The following KLF8 variants were observed in gnomAD, a reference collection of about 807,000 sequenced individuals.
KLF8 encodes the protein KLF transcription factor 8, also known as Krueppel-like factor 8.
Under a neutral mutation model 18.2 loss-of-function variants are expected in KLF8, and 10 were observed. The observed-to-expected ratio is 0.55, with a 90% CI of 0.34 to 0.93. The LOEUF (loss-of-function observed/expected upper bound fraction) is 0.93. KLF8 is among the 40% of genes least tolerant of loss of function. The pLI is 0.02. For missense variants in KLF8, 264 were observed against 277.9 expected (o/e 0.95, Z 0.36); for synonymous variants, 109 against 97.3 (o/e 1.12, Z -0.71).
At chrX:56,155,460 T>C in the KLF8 span, among the ~76,000 whole-genome samples, 1 of 109,636 alleles carries the variant, frequency 9.1e-6, no homozygotes, top group Non-Finnish European at 1.9e-5. Flanking sequence ...TGTTGTGGGG[T>C]GGAGGAAGCG....
the KLF8 span, among the ~76,000 whole-genome samples, chrX:56,160,906 T>C: frequency 9.0e-6 from 1 of 111,490 alleles, no homozygotes; most frequent in Non-Finnish European, 1.9e-5. Context: ...GTTAGTATTA[T>C]TATGTGTGAA....
At chrX:55,965,383 C>T in the KLF8 span, among the ~76,000 whole-genome samples, 2 of 111,566 alleles carry the variant, frequency 1.8e-5, no homozygotes, top group East Asian at 5.6e-4. Context: ...AGAAACATAC[C>T]TCAAAGTAAC....
chrX:55,948,418 A>T, the KLF8 span, among the ~76,000 whole-genome samples: 1 of 111,514 alleles, frequency 9.0e-6, no homozygotes, highest in Admixed American at 9.5e-5. Context: ...TAGTTTGCCC[A>T]CTCCTGTTGT....
the KLF8 span, among the ~76,000 whole-genome samples, chrX:56,094,411 A>G: frequency 9.0e-5 from 10 of 111,376 alleles, no homozygotes; most frequent in African/African-American, 2.9e-4. Context: ...CCAATTAAAC[A>G]TAAATATATT....
chrX:56,083,557 C>T, the KLF8 span, among the ~76,000 whole-genome samples: 1,107 of 111,705 alleles, frequency 9.9e-3, 11 homozygotes, highest in African/African-American at 0.034. Context: ...CTAAAAGAAA[C>T]GTAATTTAAT....
the KLF8 span, among the ~76,000 whole-genome samples, chrX:56,080,244 C>G: frequency 9.1e-6 from 1 of 110,439 alleles, no homozygotes; most frequent in Non-Finnish European, 1.9e-5. Context: ...TTCCTAGTCT[C>G]GATGGTCTTT....
At position 56,288,240 on chromosome X, in the gene KLF8, C is replaced by CA. The variant is rs1232706091; in HGVS notation, c.*3759dup. Among the ~76,000 whole-genome samples, 3,407 of 99,846 alleles carry CA rather than the reference C, an allele frequency of 0.034. 163 individuals carry two copies. Among genetic ancestry groups the CA allele is most frequent in the African/African-American group, 0.11 (3,050 of 27,674 alleles). The allele number at this position is 99,846 out of a possible 115,157, so 86.7% of individuals were successfully genotyped here. A position where few individuals can be genotyped will look rare whatever the true frequency, so the allele number is the denominator to read the frequency against. Reference sequence around the variant, plus strand: ...GGTGACAGAGCGACACACTTGATCTCAAAAAAAAAAAAATTGTTTCAGCAT... The same window carrying CA: ...GGTGACAGAGCGACACACTTGATCTCAAAAAAAAAAAAAATTGTTTCAGCAT... On this transcript the variant is annotated 3_prime_UTR_variant, in exon 6 of 6. Coordinates refer to ENST00000468660, the MANE Select transcript of KLF8 (RefSeq NM_007250.5).
the KLF8 span, among the ~76,000 whole-genome samples, chrX:56,025,153 A>G: frequency 6.2e-5 from 7 of 112,624 alleles, no homozygotes; most frequent in Non-Finnish European, 9.4e-5. Context: ...AGACTGTGCT[A>G]CATGCTCAGC....
intron 5 of KLF8, 26 bp downstream of exon 5, chrX:56,270,347 A>ACCAC: frequency 1.5e-6 from 1 of 661,752 alleles, no homozygotes; most frequent in Non-Finnish European, 2.0e-6. Context: ...TCTCACCCCC[A>ACCAC]ACACACACAC....
chrX:56,047,833 A>G, the KLF8 span, among the ~76,000 whole-genome samples: 15 of 111,745 alleles, frequency 1.3e-4, no homozygotes, highest in South Asian at 5.7e-3. Flanking sequence ...TCCCTGAGGA[A>G]TAGCCACACT....
the KLF8 span, among the ~76,000 whole-genome samples, chrX:55,971,552 T>A: frequency 1.2e-4 from 13 of 109,644 alleles, no homozygotes; most frequent in East Asian, 3.4e-3. Flanking sequence ...AAAACAAAAA[T>A]GGAAAAATAG....
At chrX:55,995,706 C>A in the KLF8 span, among the ~76,000 whole-genome samples, 1 of 111,696 alleles carries the variant, frequency 9.0e-6, no homozygotes, top group Admixed American at 9.5e-5. Flanking sequence ...TAATATAGAC[C>A]CCAATGTCTT....
chrX:56,141,843 A>T, the KLF8 span, among the ~76,000 whole-genome samples: 1 of 111,918 alleles, frequency 8.9e-6, no homozygotes, highest in Non-Finnish European at 1.9e-5. Context: ...GTCTCACTTG[A>T]AATCCTGCTG....
chrX:56,238,619 CACCACA>C (rs1385100197), intron 1 of KLF8, among the ~76,000 whole-genome samples: 2 of 111,513 alleles, frequency 1.8e-5, no homozygotes, highest in Non-Finnish European at 3.8e-5. Context: ...ATTTTTTGTT[CACCACA>C]TTACTCATCT....
the KLF8 span, among the ~76,000 whole-genome samples, chrX:56,166,118 C>A: frequency 1.1e-5 from 1 of 94,665 alleles, no homozygotes; most frequent in African/African-American, 3.8e-5. Context: ...ATACCCCAAA[C>A]AATCATATAA....
At chrX:56,209,090 T>G in the KLF8 span, among the ~76,000 whole-genome samples, 18 of 111,519 alleles carry the variant, frequency 1.6e-4, no homozygotes, top group Non-Finnish European at 2.8e-4. Flanking sequence ...TGCATTGGGG[T>G]CTTTCTCTTT....
chrX:56,008,723 G>A, the KLF8 span, among the ~76,000 whole-genome samples: 7 of 112,323 alleles, frequency 6.2e-5, no homozygotes, highest in South Asian at 7.5e-4. Flanking sequence ...CACCCTCACT[G>A]CAGCTCCAGT....
chrX:55,963,690 CACAA>C, the KLF8 span, among the ~76,000 whole-genome samples: 2 of 111,645 alleles, frequency 1.8e-5, no homozygotes, highest in East Asian at 2.8e-4. Context: ...TTCAACACAC[CACAA>C]ACAGTGTTAA....
At chrX:56,049,106 A>G in the KLF8 span, among the ~76,000 whole-genome samples, 4 of 111,877 alleles carry the variant, frequency 3.6e-5, no homozygotes, top group Non-Finnish European at 3.8e-5. Context: ...TGATTTTTGC[A>G]CATTGATTTT....
Sources: allele counts gnomAD v4.1 joint callset (sites outside exome capture counted in the v4.1 genomes callset), GRCh38; gene constraint gnomAD v4.1.1; transcripts MANE v1.5; gene names NCBI Gene and HGNC (gene_info 2026-07-23, HGNC 2026-07-21).